The following MKLN1 variants were observed in gnomAD, a reference collection of about 807,000 sequenced individuals.
MKLN1 encodes muskelin 1.
MKLN1 carries 18 observed loss-of-function variants against 99.0 expected under a neutral mutation model. The ratio of observed to expected loss-of-function variants is 0.18; its 90% CI spans 0.13 to 0.27. The LOEUF (loss-of-function observed/expected upper bound fraction) is 0.27, where lower values mean the gene tolerates loss of function less well. Among genes scored for constraint, MKLN1 ranks in the 10% least tolerant of loss-of-function variants. The probability of loss-of-function intolerance (pLI) is 1.00; values close to 1 mark genes in which losing one functional copy is unlikely to be tolerated. For missense variants in MKLN1, 621 were observed against 875.9 expected (o/e 0.71, Z 3.67); for synonymous variants, 288 against 293.2 (o/e 0.98, Z 0.18).
intron 2 of MKLN1, among the ~76,000 whole-genome samples, chr7:131,162,530 T>G (rs535980826): frequency 1.1e-4 from 17 of 152,348 alleles, no homozygotes; most frequent in African/African-American, 3.8e-4. Context: ...ATAAAAACTT[T>G]GTTTCATGCA....
intron 6 of MKLN1, among the ~76,000 whole-genome samples, chr7:131,400,818 A>G (rs1020061981): frequency 2.6e-5 from 4 of 152,084 alleles, no homozygotes; most frequent in African/African-American, 9.7e-5. Context: ...GACTTAACTT[A>G]TCCTTTGGCT....
At chr7:131,340,982 A>G (rs540868625) in intron 1 of MKLN1, among the ~76,000 whole-genome samples, 2 of 152,278 alleles carry the variant, frequency 1.3e-5, no homozygotes, top group African/African-American at 4.8e-5. Flanking sequence ...TATTTTTATT[A>G]TGAAGTTATT....
chr7:131,202,146 C>CTTTTTTTTTTTTTTTTTTT lies in MKLN1; in HGVS notation c.-296-697_-296-679dup, dbSNP rs58800874. On this transcript the variant is annotated intron_variant, in intron 2 of 7. Coordinates refer to the MKLN1 transcript ENST00000416992. ...GGTTTCTCCACTTTGGCACTATTGA[C>CTTTTTTTTTTTTTTTTTTT]TTTTTTTTTTTTTTTTTTTTTTTTT... Among the ~76,000 whole-genome samples the CTTTTTTTTTTTTTTTTTTT allele has an allele frequency of 2.5e-4, 15 of 60,274 alleles. 2 individuals carry two copies. The highest frequency in any genetic ancestry group is 6.5e-4 in the Admixed American group (3 of 4,610). The allele number at this position is 60,274 out of a possible 152,430, so 39.5% of individuals were successfully genotyped here.
chr7:131,305,534 G>A (rs1216235325), intron 3 of MKLN1, among the ~76,000 whole-genome samples: 3 of 152,154 alleles, frequency 2.0e-5, no homozygotes, highest in Non-Finnish European at 4.4e-5. Context: ...CCCAGTCTCT[G>A]CCTAGAATTC....
At chr7:131,372,314 C>G (rs549723380) in intron 1 of MKLN1, among the ~76,000 whole-genome samples, 1 of 151,952 alleles carries the variant, frequency 6.6e-6, no homozygotes, top group African/African-American at 2.4e-5. Flanking sequence ...TCTGTGTTTT[C>G]TAATTCATTT....
At chr7:131,361,108 A>AT (rs1800016286) in intron 1 of MKLN1, among the ~76,000 whole-genome samples, 1 of 151,592 alleles carries the variant, frequency 6.6e-6, no homozygotes, top group African/African-American at 2.4e-5. Flanking sequence ...CAACTTATAA[A>AT]TTTTTTTGAT....
chr7:131,311,935 T>G (rs1798573527), intron 3 of MKLN1, among the ~76,000 whole-genome samples: 1 of 152,162 alleles, frequency 6.6e-6, no homozygotes, highest in Admixed American at 6.5e-5. Context: ...CATCAGTATA[T>G]TATTAATCCT....
Position 131,308,637 on chromosome 7 carries a change from G to A in MKLN1, c.-178-66787G>A, listed in dbSNP as rs143363923. Reference sequence around the variant, plus strand: ...TTTCACTCCTTTTGCCCAGGCTGTAGTGCAATGGCATGATCTCAGCTCACC... The same window carrying A: ...TTTCACTCCTTTTGCCCAGGCTGTAATGCAATGGCATGATCTCAGCTCACC... On this transcript the variant is annotated intron_variant, in intron 3 of 7. Coordinates refer to the MKLN1 transcript ENST00000416992. 5.1e-3 allele frequency among the ~76,000 whole-genome samples: 773 copies of A among 150,394 alleles called. 7 individuals carry two copies. The highest frequency in any genetic ancestry group is 0.018 in the African/African-American group (743 of 40,796).
intron 2 of MKLN1, among the ~76,000 whole-genome samples, chr7:131,146,750 C>T (rs17165458): frequency 0.23 from 35,454 of 152,078 alleles, 5,337 homozygotes; most frequent in East Asian, 0.66. Flanking sequence ...CCGTCACTCC[C>T]GGCAAAGGCC....
chr7:131,424,730 G>A (rs1795307465), intron 8 of MKLN1, among the ~76,000 whole-genome samples: 1 of 152,038 alleles, frequency 6.6e-6, no homozygotes, highest in South Asian at 2.1e-4. Context: ...TAGATTGATT[G>A]GTGATTGACT....
chr7:131,383,244 T>C (rs1370324716), intron 2 of MKLN1, among the ~76,000 whole-genome samples: 1 of 152,208 alleles, frequency 6.6e-6, no homozygotes, highest in African/African-American at 2.4e-5. Context: ...CAGTCTCTTC[T>C]ACCTCATGAG....
chr7:131,342,061 G>C (rs1799423169), intron 1 of MKLN1, among the ~76,000 whole-genome samples: 1 of 152,004 alleles, frequency 6.6e-6, no homozygotes, highest in African/African-American at 2.4e-5. Flanking sequence ...TTGTGGACAT[G>C]GTTTCATTTC....
chr7:131,407,976 G>A (rs888737931), intron 6 of MKLN1, among the ~76,000 whole-genome samples: 3 of 151,866 alleles, frequency 2.0e-5, no homozygotes, highest in African/African-American at 4.8e-5. Flanking sequence ...CATCATCATC[G>A]TAAGTAACAT....
chr7:131,309,294 C>A (rs1009765122), intron 3 of MKLN1, among the ~76,000 whole-genome samples: 1 of 152,100 alleles, frequency 6.6e-6, no homozygotes, highest in East Asian at 1.9e-4. Flanking sequence ...GAAGCTGAGG[C>A]AAAATTAATA....
At chr7:131,162,376 G>GTAC (rs1424507374) in intron 2 of MKLN1, among the ~76,000 whole-genome samples, 12 of 152,096 alleles carry the variant, frequency 7.9e-5, no homozygotes, top group Non-Finnish European at 2.9e-5. Context: ...TTACTGTTAA[G>GTAC]TACTTATGTC....
intron 12 of MKLN1, among the ~76,000 whole-genome samples, chr7:131,449,550 A>G (rs1211890243): frequency 6.6e-6 from 1 of 152,182 alleles, no homozygotes; most frequent in African/African-American, 2.4e-5. Flanking sequence ...ACTTGGAAAA[A>G]TTTCCCACCT....
intron 8 of MKLN1, among the ~76,000 whole-genome samples, chr7:131,419,707 T>C (rs752052229): frequency 6.6e-6 from 1 of 151,994 alleles, no homozygotes; most frequent in Non-Finnish European, 1.5e-5. Context: ...CTACTCTTGG[T>C]TTTTTTTCCA....
intron 10 of MKLN1, among the ~76,000 whole-genome samples, chr7:131,440,022 GC>G (rs1795793104): frequency 6.6e-6 from 1 of 152,002 alleles, no homozygotes; most frequent in Non-Finnish European, 1.5e-5. Flanking sequence ...TTTTGTTGAA[GC>G]CCACAACAGT....
At chr7:131,270,595 A>T (rs1206168463) in intron 3 of MKLN1, among the ~76,000 whole-genome samples, 3 of 152,206 alleles carry the variant, frequency 2.0e-5, no homozygotes, top group Non-Finnish European at 2.9e-5. Context: ...GATGTGAATT[A>T]TTGGGTTAAG....
Sources: gnomAD v4.1 joint callset for allele counts (sites outside exome capture counted in the v4.1 genomes callset) on GRCh38, gnomAD v4.1.1 for gene constraint, MANE v1.5 for transcripts, NCBI Gene and HGNC (gene_info 2026-07-23, HGNC 2026-07-21) for gene names.